Variants in EVL observed in about 807,000 individuals in gnomAD.
EVL encodes the protein Enah/Vasp-like.
Under a neutral mutation model 59.6 loss-of-function variants are expected in EVL, and 21 were observed. That is an observed-to-expected ratio of 0.35 (90% CI 0.25 to 0.51). EVL has a LOEUF of 0.51. Ranked by LOEUF, EVL falls within the 20% of genes least tolerant of loss-of-function variation. EVL has a pLI of 0.97. For synonymous variants in EVL, 198 were observed against 203.5 expected (o/e 0.97, Z 0.23); for missense variants, 462 against 546.6 (o/e 0.85, Z 1.54).
chr14:100,055,933 TC>T (rs913762620), intron 1 of EVL, among the ~76,000 whole-genome samples: 6 of 152,144 alleles, frequency 3.9e-5, no homozygotes, highest in Non-Finnish European at 8.8e-5. Context: ...TGTCTCAGCA[TC>T]CCGAGTAGCT....
intron 3 of EVL, among the ~76,000 whole-genome samples, chr14:100,105,621 A>G (rs1302508254): frequency 6.6e-6 from 1 of 151,702 alleles, no homozygotes; most frequent in Non-Finnish European, 1.5e-5. Flanking sequence ...CTTTCTTTGC[A>G]TGTGCCTTGG....
intron 1 of EVL, among the ~76,000 whole-genome samples, chr14:100,046,065 A>C (rs1566982552): frequency 6.6e-6 from 1 of 152,320 alleles, no homozygotes; most frequent in East Asian, 1.9e-4. Flanking sequence ...TTGAAATTTC[A>C]AATTGTAGGA....
intron 1 of EVL, among the ~76,000 whole-genome samples, chr14:99,998,489 G>A (rs993449155): frequency 6.6e-6 from 1 of 152,020 alleles, no homozygotes; most frequent in Non-Finnish European, 1.5e-5. Flanking sequence ...CTGTATGCTG[G>A]GAGGAGATAC....
At chr14:100,020,746 G>C (rs2061109164) in intron 1 of EVL, among the ~76,000 whole-genome samples, 2 of 152,186 alleles carry the variant, frequency 1.3e-5, no homozygotes, top group African/African-American at 2.4e-5. Context: ...AGGATCATTA[G>C]ATCTCCACAA....
At chr14:100,097,406 T>A (rs1278318453) in intron 2 of EVL, 75 bp from the exon 3 acceptor site, 14 of 1,332,856 alleles carry the variant, frequency 1.1e-5, no homozygotes, top group African/African-American at 1.5e-5. Context: ...ACAGTATACT[T>A]GCTCCATCGC....
Position 100,135,985 on chromosome 14 carries a change from C to A in EVL, c.964+17C>A. On this transcript the variant is annotated intron_variant, in intron 9 of 13. Transcript: ENST00000392920. ...ACTCCTCAGGTGAGAGGGCGCCCCC[C>A]GCTGACCCCAGTGAGGCATGAGGTC... 1 of 1,613,240 alleles carries A rather than the reference C, an allele frequency of 6.2e-7. No individual in the cohort carries two copies. The highest frequency in any genetic ancestry group is 1.1e-5 in the South Asian group (1 of 91,080).
chr14:100,105,270 C>T (rs1566698874), intron 3 of EVL, among the ~76,000 whole-genome samples: 2 of 152,142 alleles, frequency 1.3e-5, no homozygotes, highest in African/African-American at 2.4e-5. Context: ...CGACACACCA[C>T]GGGGACTCAG....
chr14:99,989,423 G>A (rs145984701), intron 1 of EVL, among the ~76,000 whole-genome samples: 118 of 152,166 alleles, frequency 7.8e-4, no homozygotes, highest in African/African-American at 2.7e-3. Flanking sequence ...TTTGTTGTTA[G>A]TACTCAAATC....
At chr14:100,037,028 A>C (rs1226865274) in intron 1 of EVL, among the ~76,000 whole-genome samples, 1 of 152,226 alleles carries the variant, frequency 6.6e-6, no homozygotes, top group Non-Finnish European at 1.5e-5. Context: ...CCAAGGAGAG[A>C]GGCCTCCAGA....
At position 99,972,815 on chromosome 14, in the gene EVL, A is replaced by G. The variant is rs112231945; in HGVS notation, c.5+758A>G. Among the ~76,000 whole-genome samples, 4,406 of 148,106 alleles carry G rather than the reference A, an allele frequency of 0.03. 91 individuals carry two copies. The highest frequency in any genetic ancestry group is 0.042 in the Non-Finnish European group (2,831 of 66,980). ...TGGGGTAATCACTTTTTTTTTTTCC[A>G]TTTGTAATTTTGCTTTCTGAACACG... On this transcript the variant is annotated intron_variant, in intron 1 of 13. Transcript: ENST00000402714. The surrounding 1 kb of genome is among the most constrained non-coding windows in gnomAD (Gnocchi z 4.4).
At chr14:99,987,917 T>C (rs915338264) in intron 1 of EVL, among the ~76,000 whole-genome samples, 6 of 143,688 alleles carry the variant, frequency 4.2e-5, no homozygotes, top group Non-Finnish European at 7.6e-5. Context: ...TTTTTTTTTT[T>C]TTTTTTTTTT....
intron 1 of EVL, among the ~76,000 whole-genome samples, chr14:100,029,779 C>T (rs2140215579): frequency 6.6e-6 from 1 of 152,220 alleles, no homozygotes; most frequent in South Asian, 2.1e-4. Flanking sequence ...TGCTCTTAGC[C>T]ATGCTTTAGC....
chr14:100,074,606 T>G (rs1431491441), intron 1 of EVL: 2 of 152,934 alleles, frequency 1.3e-5, no homozygotes, highest in Non-Finnish European at 2.9e-5. Context: ...TTCCCCGCGC[T>G]GACTCCATGG....
intron 1 of EVL, among the ~76,000 whole-genome samples, chr14:99,991,117 C>A (rs554321982): frequency 6.6e-6 from 1 of 152,276 alleles, no homozygotes; most frequent in South Asian, 2.1e-4. Flanking sequence ...CCCCTCCCTC[C>A]TCTTCAGCCT....
chr14:100,047,118 C>CTCTTTTTTTTTTTTT (rs1566983192), intron 1 of EVL, among the ~76,000 whole-genome samples: 7 of 23,884 alleles, frequency 2.9e-4, no homozygotes, highest in African/African-American at 9.6e-4. Context: ...ATCTCTCTCT[C>CTCTTTTTTTTTTTTT]TTTTTTTTTT....
chr14:100,047,116 C>CTTTTTTTTTTTTTTTTTTTTTTT (rs1158933445), intron 1 of EVL, among the ~76,000 whole-genome samples: 1 of 28,420 alleles, frequency 3.5e-5, no homozygotes, highest in Admixed American at 3.1e-4. Context: ...AGATCTCTCT[C>CTTTTTTTTTTTTTTTTTTTTTTT]TCTTTTTTTT....
chr14:100,103,942 C>T (rs548876770), intron 3 of EVL, among the ~76,000 whole-genome samples: 1 of 152,274 alleles, frequency 6.6e-6, no homozygotes, highest in South Asian at 2.1e-4. Context: ...TATGCATGCA[C>T]GTGCTGCAGG....
In EVL at chr14:100,114,756, G is replaced by A. The variant is rs1322060817; in HGVS notation, c.359-8783G>A. On this transcript the variant is annotated intron_variant, in intron 3 of 13. Coordinates refer to ENST00000392920, the MANE Select transcript of EVL (RefSeq NM_016337.3). The surrounding 1 kb of genome is among the most constrained non-coding windows in gnomAD (Gnocchi z 5.0). ...ATGGGAGCCCCTCTCTCTCCTCCCT[G>A]CTCCTCATGGGCCTCTCCTTTCACT... 2.0e-5 allele frequency among the ~76,000 whole-genome samples: 3 copies of A among 152,150 alleles called. No individual in the cohort carries two copies. The highest frequency in any genetic ancestry group is 4.4e-5 in the Non-Finnish European group (3 of 68,024).
chr14:100,137,834 C>T, intron 11 of EVL, 32 bp downstream of exon 11: 1 of 1,610,448 alleles, frequency 6.2e-7, no homozygotes, highest in African/African-American at 1.3e-5. Flanking sequence ...CACATGTCCC[C>T]CAGGGTTTGG....
Sources: gnomAD v4.1 joint callset for allele counts (sites outside exome capture counted in the v4.1 genomes callset) on GRCh38, gnomAD v4.1.1 for gene constraint, Gnocchi (gnomAD v3.1) non-coding constraint, MANE v1.5 for transcripts, NCBI Gene and HGNC (gene_info 2026-07-23, HGNC 2026-07-21) for gene names.